OR52E2: variants seen among roughly 807,000 people sequenced by gnomAD.
The protein encoded by OR52E2 is olfactory receptor family 52 subfamily E member 2.
For synonymous variants in OR52E2, 130 were observed against 143.9 expected (o/e 0.90, Z 0.69); for missense variants, 443 against 403.9 (o/e 1.10, Z -0.83).
rs775663709 is a variant in OR52E2 at position 5,059,491 on chromosome 11, G to C, written c.137C>G (p.Thr46Ser). The C allele has an allele frequency of 1.9e-6, 3 of 1,614,026 alleles. No homozygotes were observed. Among genetic ancestry groups the C allele is most frequent in the Non-Finnish European group, 2.5e-6 (3 of 1,179,970 alleles). ...GTCAGTCTTGATCACAAGTAGAATA[G>C]TGAAGTTCCCTATGAGTGCGATCAT... ...VYMIALIGNF[T>S]ILLVIKTDSS... Residue 46 changes from threonine (T) to serine (S), a missense_variant, in exon 1 of 1, where the codon ACT becomes AGT. Physicochemically the swap from Thr to Ser is moderately conservative, Grantham distance 58 (BLOSUM62 1). Coordinates refer to ENST00000321522, the MANE Select transcript of OR52E2 (RefSeq NM_001005164.2).
In OR52E2 at chr11:5,058,860, G is replaced by T. The variant is rs1333837316; in HGVS notation, c.768C>A (p.Ala256=). The change falls in exon 1 of 1, where the codon GCC becomes GCA. Residue 256 remains alanine, a synonymous_variant. Transcript: ENST00000321522. ...AGCGATGAGTCATAAAGGAAAAGAG[G>T]GCTGGTGTATAGAAGGCAAGGATTA... ...VCVILAFYTP[A]LFSFMTHRFG... 8.3e-6 allele frequency: 13 copies of T among 1,572,916 alleles called. No individual in the cohort carries two copies. The highest frequency in any genetic ancestry group is 1.1e-5 in the Non-Finnish European group (13 of 1,161,676).
chr11:5,059,423 C>T lies in OR52E2; in HGVS notation c.205G>A (p.Ala69Thr), dbSNP rs113958818. Residue 69 changes from alanine (A) to threonine (T), a missense_variant, in exon 1 of 1, where the codon GCC (alanine) becomes ACC (threonine). Coordinates refer to ENST00000321522, the MANE Select transcript of OR52E2 (RefSeq NM_001005164.2). Reference protein sequence around the residue: ...QPMFYFLAMLATTDVGLSTAT... With the variant: ...QPMFYFLAMLTTTDVGLSTAT... ...GTTGAGAGACCCACATCAGTGGTGG[C>T]CAACATGGCCAGGAAGTAGAACATG... 9.0e-4 allele frequency: 1,457 copies of T among 1,613,576 alleles called. 12 individuals carry two copies. In the African/African-American group the frequency reaches 0.013, roughly 14 times the overall value.
chr11:5,058,981 G>T lies in OR52E2; in HGVS notation c.647C>A (p.Ala216Asp), dbSNP rs1180367683. 8 of 1,613,008 alleles carry T rather than the reference G, an allele frequency of 5.0e-6. No homozygotes were observed. The Admixed American group carries it at 8.4e-5, about 17-fold the overall frequency. ...ACAAAGAATATGCACATAAGAAAGG[G>T]CAATGACTGTGATGTCAAACACTAG... ...CNLVFDITVI[A>D]LSYVHILCAV... Residue 216 changes from alanine (A) to aspartate (D), a missense_variant, in exon 1 of 1, where the codon GCC becomes GAC. Ala to Asp is a moderately radical substitution (Grantham distance 126). Coordinates refer to ENST00000321522, the MANE Select transcript of OR52E2 (RefSeq NM_001005164.2).
At position 5,059,496 on chromosome 11, in the gene OR52E2, G is replaced by A. The variant is rs1189308123; in HGVS notation, c.132C>T (p.Asn44=). Residue 44 remains asparagine, a synonymous_variant, in exon 1 of 1, where the codon AAC becomes AAT. Transcript: ENST00000321522. ...TCTTGATCACAAGTAGAATAGTGAA[G>A]TTCCCTATGAGTGCGATCATGTACA... ...CAVYMIALIG[N]FTILLVIKTD... 7 of 1,613,992 alleles carry A rather than the reference G, an allele frequency of 4.3e-6. No homozygotes were observed. The highest frequency in any genetic ancestry group is 5.9e-6 in the Non-Finnish European group (7 of 1,179,954).
At position 5,059,397 on chromosome 11, in the gene OR52E2, T is replaced by G. The variant is rs1035870303; in HGVS notation, c.231A>C (p.Thr77=). ...TTCCAAGCATCTTAGGGATGGTAGC[T>G]GTTGAGAGACCCACATCAGTGGTGG... ...MLATTDVGLS[T]ATIPKMLGIF... is the part of the protein sequence containing the mutation. Residue 77 remains threonine, a synonymous_variant, in exon 1 of 1, where the codon ACA becomes ACC. Coordinates refer to ENST00000321522, the MANE Select transcript of OR52E2 (RefSeq NM_001005164.2). The G allele has an allele frequency of 1.2e-6, 2 of 1,613,668 alleles. No individual in the cohort carries two copies. Among genetic ancestry groups the G allele is most frequent in the Admixed American group, 3.3e-5 (2 of 59,916 alleles).
At position 5,059,225 on chromosome 11, in the gene OR52E2, T is replaced by C; in HGVS notation, c.403A>G (p.Ser135Gly). ...ACAACCTTGTTGGTGAGGATGGCGC[T>C]ATATTGGAGTGGATTGCAGATGGCC... is the stretch of plus-strand genomic sequence containing the variant. ...YVAICNPLQYSAILTNKVVSV... is the reference protein window; with the variant it reads ...YVAICNPLQYGAILTNKVVSV... The change falls in exon 1 of 1, where the codon AGC (serine) becomes GGC (glycine). Residue 135 changes from serine to glycine, a missense_variant. Transcript: ENST00000321522. The C allele has an allele frequency of 6.2e-7, 1 of 1,613,740 alleles. No homozygotes were observed. The highest frequency in any genetic ancestry group is 8.5e-7 in the Non-Finnish European group (1 of 1,179,908).
At position 5,059,358 on chromosome 11, in the gene OR52E2, G is replaced by A; in HGVS notation, c.270C>T (p.Asn90=). The A allele has an allele frequency of 6.2e-7, 1 of 1,613,690 alleles. No individual in the cohort carries two copies. ...AGGCTTCAAAGATGATCCCTCTGAG[G>A]TTGATCCAGAAGATTCCAAGCATCT... is the stretch of plus-strand genomic sequence containing the variant. The part of the protein sequence containing the change: ...IPKMLGIFWI[N]LRGIIFEACL... Residue 90 remains asparagine (N), a synonymous_variant, in exon 1 of 1, where the codon AAC becomes AAT. Transcript: ENST00000321522.
rs80153866 is a variant in OR52E2, at chr11:5,059,503, A to G, written c.125T>C (p.Ile42Thr). 1.4e-4 allele frequency: 219 copies of G among 1,613,994 alleles called. 1 individual carries two copies. The highest frequency in any genetic ancestry group is 1.8e-4 in the Non-Finnish European group (211 of 1,179,962). ...PFCAVYMIAL[I>T]GNFTILLVIK... The stretch of plus-strand genomic sequence containing the variant: ...CACAAGTAGAATAGTGAAGTTCCCT[A>G]TGAGTGCGATCATGTACACAGCACA... Residue 42 changes from isoleucine (I) to threonine (T), a missense_variant, in exon 1 of 1, where the codon ATA (isoleucine) becomes ACA (threonine). Transcript: ENST00000321522.
In OR52E2 at chr11:5,059,160, A is replaced by T; in HGVS notation, c.468T>A (p.Ile156=). The T allele has an allele frequency of 6.2e-7, 1 of 1,613,758 alleles. No homozygotes were observed. The highest frequency in any genetic ancestry group is 8.5e-7 in the Non-Finnish European group (1 of 1,179,920). Residue 156 remains isoleucine (I), a synonymous_variant, in exon 1 of 1, where the codon ATT becomes ATA. Coordinates refer to ENST00000321522, the MANE Select transcript of OR52E2 (RefSeq NM_001005164.2). ...IGLGVFVRAL[I]FVIPSILLIL... The stretch of plus-strand genomic sequence containing the variant: ...TAAGAAGTATAGAGGGAATGACGAA[A>T]ATTAAAGCCCTCACAAACACACCAA...
In OR52E2 at chr11:5,059,556, T is replaced by G. The variant is rs555677391; in HGVS notation, c.72A>C (p.Thr24=). ...AGGGAAAGCCGATCCAGATGTGAAG[T>G]GTTTCTAGTCCTGGGATCCCCAGCA... ...FLLLGIPGLE[T]LHIWIGFPFC... The change falls in exon 1 of 1, where the codon ACA becomes ACC. Residue 24 remains threonine, a synonymous_variant. Coordinates refer to ENST00000321522, the MANE Select transcript of OR52E2 (RefSeq NM_001005164.2). 1 of 1,613,496 alleles carries G rather than the reference T, an allele frequency of 6.2e-7. No individual in the cohort carries two copies. Among genetic ancestry groups the G allele is most frequent in the Non-Finnish European group, 8.5e-7 (1 of 1,179,690 alleles).
In OR52E2 at chr11:5,059,338, T is replaced by A; in HGVS notation, c.290A>T (p.Glu97Val). ...AAAAAACATCTGGGTGAGGCAGGCT[T>A]CAAAGATGATCCCTCTGAGGTTGAT... ...FWINLRGIIF[E>V]ACLTQMFFIH... Residue 97 changes from glutamate (E) to valine (V), a missense_variant, in exon 1 of 1, where the codon GAA (glutamate) becomes GTA (valine). Coordinates refer to ENST00000321522, the MANE Select transcript of OR52E2 (RefSeq NM_001005164.2). The A allele has an allele frequency of 1.9e-6, 3 of 1,613,618 alleles. No individual in the cohort carries two copies. Among genetic ancestry groups the A allele is most frequent in the Non-Finnish European group, 2.5e-6 (3 of 1,179,806 alleles).
rs761001604 is a variant in OR52E2, at chr11:5,059,493, G to T, written c.135C>A (p.Phe45Leu). The T allele has an allele frequency of 2.4e-5, 38 of 1,613,850 alleles. No homozygotes were observed. The highest frequency in any genetic ancestry group is 3.2e-5 in the Non-Finnish European group (38 of 1,179,972). ...AVYMIALIGN[F>L]TILLVIKTDS... ...CAGTCTTGATCACAAGTAGAATAGT[G>T]AAGTTCCCTATGAGTGCGATCATGT... The change falls in exon 1 of 1, where the codon TTC (phenylalanine) becomes TTA (leucine). Residue 45 changes from phenylalanine to leucine, a missense_variant. By Grantham distance (22) the Phe-to-Leu change is conservative (BLOSUM62 0). Transcript: ENST00000321522.
Position 5,059,281 on chromosome 11 carries a change from A to G in OR52E2, c.347T>C (p.Val116Ala). ...GCTGTCATAAGCCATTGCCACAAGG[A>G]CTGCTGACTCCATAAGTGTGAAGTT... ...IHNFTLMESAVLVAMAYDSYV... is the reference protein window; with the variant it reads ...IHNFTLMESAALVAMAYDSYV... Residue 116 changes from valine to alanine, a missense_variant, in exon 1 of 1, where the codon GTC becomes GCC. Val to Ala is a moderately conservative substitution (Grantham distance 64, BLOSUM62 0). Coordinates refer to ENST00000321522, the MANE Select transcript of OR52E2 (RefSeq NM_001005164.2). 1 of 1,613,814 alleles carries G rather than the reference A, an allele frequency of 6.2e-7. No homozygotes were observed. Among genetic ancestry groups the G allele is most frequent in the Non-Finnish European group, 8.5e-7 (1 of 1,179,924 alleles).
rs148971193 is a variant in OR52E2, at chr11:5,058,869, A to G, written c.759T>C (p.Tyr253=). ...GSHVCVILAF[Y]TPALFSFMTH... is the part of the protein sequence containing the mutation. ...TCATAAAGGAAAAGAGGGCTGGTGTATAGAAGGCAAGGATTACACACACAT... is the reference window on the plus strand; with the variant it reads ...TCATAAAGGAAAAGAGGGCTGGTGTGTAGAAGGCAAGGATTACACACACAT... Residue 253 remains tyrosine (Y), a synonymous_variant, in exon 1 of 1, where the codon TAT becomes TAC. Transcript: ENST00000321522. The G allele has an allele frequency of 6.4e-5, 100 of 1,574,594 alleles. No individual in the cohort carries two copies. Among genetic ancestry groups the G allele is most frequent in the Non-Finnish European group, 8.6e-5 (100 of 1,162,220 alleles).
chr11:5,058,687 A>G lies in OR52E2; in HGVS notation c.941T>C (p.Met314Thr). Residue 314 changes from methionine (M) to threonine (T), a missense_variant, in exon 1 of 1, where the codon ATG becomes ACG. By Grantham distance (81) the Met-to-Thr change is moderately conservative (BLOSUM62 -1). Transcript: ENST00000321522. ...VKKILLQEQG[M>T]EKEEYLIHTR... The stretch of plus-strand genomic sequence containing the variant: ...ATGTATTAGGTACTCTTCCTTTTCC[A>G]TTCCTTGTTCCTGCAATAATATTTT... 3 of 1,502,064 alleles carry G rather than the reference A, an allele frequency of 2.0e-6. No individual in the cohort carries two copies. The highest frequency in any genetic ancestry group is 1.8e-6 in the Non-Finnish European group (2 of 1,125,386). The allele number at this position is 1,502,064 out of a possible 1,614,324, so 93.0% of individuals were successfully genotyped here. A position where few individuals can be genotyped will look rare whatever the true frequency, so the allele number is the denominator to read the frequency against.
At position 5,059,237 on chromosome 11, in the gene OR52E2, G is replaced by C; in HGVS notation, c.391C>G (p.Pro131Ala). 1.2e-6 allele frequency: 2 copies of C among 1,613,744 alleles called. No homozygotes were observed. Among genetic ancestry groups the C allele is most frequent in the South Asian group, 2.2e-5 (2 of 91,020 alleles). The change falls in exon 1 of 1, where the codon CCA (proline) becomes GCA (alanine). Residue 131 changes from proline (P) to alanine (A), a missense_variant. By Grantham distance (27) the Pro-to-Ala change is conservative (BLOSUM62 -1). Transcript: ENST00000321522. ...AYDSYVAICN[P>A]LQYSAILTNK... ...GTGAGGATGGCGCTATATTGGAGTG[G>C]ATTGCAGATGGCCACATAGCTGTCA...
rs1317795340 is a variant in OR52E2 at position 5,058,765 on chromosome 11, A to G, written c.863T>C (p.Leu288Pro). ...TCTGACTCCATATATGACAGGATTG[A>G]GCATTGGTGGCACCACAACATAGAG... ...ANLYVVVPPMLNPVIYGVRTK... is the reference protein window; with the variant it reads ...ANLYVVVPPMPNPVIYGVRTK... Residue 288 changes from leucine to proline, a missense_variant, in exon 1 of 1, where the codon CTC becomes CCC. Physicochemically the swap from Leu to Pro is moderately conservative, Grantham distance 98. Coordinates refer to ENST00000321522, the MANE Select transcript of OR52E2 (RefSeq NM_001005164.2). 1.3e-6 allele frequency: 2 copies of G among 1,595,838 alleles called. No homozygotes were observed. Among genetic ancestry groups the G allele is most frequent in the Non-Finnish European group, 1.7e-6 (2 of 1,173,686 alleles).
Position 5,058,840 on chromosome 11 carries a change from T to C in OR52E2, c.788A>G (p.His263Arg), listed in dbSNP as rs201472358. The C allele has an allele frequency of 6.4e-7, 1 of 1,574,286 alleles. No homozygotes were observed. Among genetic ancestry groups the C allele is most frequent in the East Asian group, 2.2e-5 (1 of 44,676 alleles). Residue 263 changes from histidine (H) to arginine (R), a missense_variant, in exon 1 of 1, where the codon CAT (histidine) becomes CGT (arginine). Physicochemically the swap from His to Arg is conservative, Grantham distance 29. Transcript: ENST00000321522. ...GCGGGGCACATTTCGGCCAAAGCGA[T>C]GAGTCATAAAGGAAAAGAGGGCTGG... ...YTPALFSFMT[H>R]RFGRNVPRYI...
Position 5,058,910 on chromosome 11 carries a change from T to G in OR52E2, c.718A>C (p.Ser240Arg). 6.3e-7 allele frequency: 1 copy of G among 1,592,972 alleles called. No homozygotes were observed. Among genetic ancestry groups the G allele is most frequent in the East Asian group, 2.2e-5 (1 of 44,774 alleles). Residue 240 changes from serine (S) to arginine (R), a missense_variant, in exon 1 of 1, where the codon AGC becomes CGC. By Grantham distance (110) the Ser-to-Arg change is moderately radical (BLOSUM62 -1). Transcript: ENST00000321522. The stretch of plus-strand genomic sequence containing the variant: ...ACACACACATGTGAACCACATGTGC[T>G]GAGGGACTTGAGTCGGGCTTCATGA... Reference protein sequence around the residue: ...PTHEARLKSLSTCGSHVCVIL... With the variant: ...PTHEARLKSLRTCGSHVCVIL...
Sources: gnomAD v4.1 joint callset for allele counts on GRCh38, gnomAD v4.1.1 for gene constraint, MANE v1.5 for transcripts, NCBI Gene and HGNC (gene_info 2026-07-23, HGNC 2026-07-21) for gene names.